CSMD1: variants seen among roughly 807,000 people sequenced by gnomAD.
CSMD1 encodes CUB and Sushi multiple domains 1, also known as CUB and sushi domain-containing protein 1.
Under a neutral mutation model 417.5 loss-of-function variants are expected in CSMD1, and 213 were observed. The observed-to-expected ratio is 0.51, with a 90% CI of 0.46 to 0.57. CSMD1 has a LOEUF of 0.57. Ranked by LOEUF, CSMD1 falls within the 20% of genes least tolerant of loss-of-function variation. The pLI is 0.00. For missense variants in CSMD1, 6,923 were observed against 4,529.7 expected, an observed-to-expected ratio of 1.53 and a Z score of -15.17; for synonymous variants, 2,862 against 1,736.8, an observed-to-expected ratio of 1.65 and a Z score of -16.11.
chr8:3,668,971 G>A (rs1031073703), intron 7 of CSMD1, among the ~76,000 whole-genome samples: 1 of 152,126 alleles, frequency 6.6e-6, no homozygotes, highest in African/African-American at 2.4e-5. Flanking sequence ...AAATCATTGA[G>A]CAACCAGGTT....
intron 1 of CSMD1, among the ~76,000 whole-genome samples, chr8:4,645,593 A>C (rs1803470608): frequency 6.6e-6 from 1 of 152,072 alleles, no homozygotes; most frequent in Non-Finnish European, 1.5e-5. Flanking sequence ...GTGCGGGATG[A>C]CGAGGCTGCC....
In CSMD1 at chr8:3,740,119, T is replaced by G. The variant is rs1344615865; in HGVS notation, c.931+13811A>C. Among the ~76,000 whole-genome samples, 3 of 152,242 alleles carry G rather than the reference T, an allele frequency of 2.0e-5. No homozygotes were observed. The East Asian group carries it at 5.8e-4, about 30-fold the overall frequency. ...TTACAAAATTTTATTTTATTTTTCTTTTTGAGATGGAGTTTCACTCTTGTC... is the reference window on the plus strand; with the variant it reads ...TTACAAAATTTTATTTTATTTTTCTGTTTGAGATGGAGTTTCACTCTTGTC... On this transcript the variant is annotated intron_variant, in intron 6 of 69. Coordinates refer to ENST00000635120, the MANE Select transcript of CSMD1 (RefSeq NM_033225.6).
chr8:4,994,595 T>C lies in CSMD1; in HGVS notation c.-179A>G, dbSNP rs1265195339. On this transcript the variant is annotated 5_prime_UTR_variant, in exon 1 of 70. An upstream start codon of the reference 5' UTR is lost. Transcript: ENST00000635120. ...GGGCGCCCGGCTCGCTTCCCTCTCA[T>C]AGCATCGGGTCCCGAGCCACTGCAG... 3.3e-6 allele frequency: 2 copies of C among 602,256 alleles called. No homozygotes were observed. Among genetic ancestry groups the C allele is most frequent in the Non-Finnish European group, 6.0e-6 (2 of 334,060 alleles). The allele number at this position is 602,256 out of a possible 1,614,324, so 37.3% of individuals were successfully genotyped here.
At chr8:3,704,754 A>T (rs1406300851) in intron 7 of CSMD1, 1 of 152,186 alleles carries the variant, frequency 6.6e-6, no homozygotes, top group Non-Finnish European at 1.5e-5. Flanking sequence ...GATCTGTTTA[A>T]TTATCAAACT....
At chr8:4,074,342 T>A (rs1799712180) in intron 3 of CSMD1, among the ~76,000 whole-genome samples, 3 of 152,106 alleles carry the variant, frequency 2.0e-5, no homozygotes. Context: ...GGCATCTGAA[T>A]GTAAAATGTA....
intron 16 of CSMD1, among the ~76,000 whole-genome samples, chr8:3,398,933 A>G (rs1029348423): frequency 1.3e-5 from 2 of 152,188 alleles, no homozygotes; most frequent in African/African-American, 4.8e-5. Context: ...TTGGTGATTG[A>G]TCTGCTGTCC....
intron 1 of CSMD1, among the ~76,000 whole-genome samples, chr8:4,864,995 G>C (rs986440829): frequency 2.0e-5 from 3 of 150,690 alleles, no homozygotes; most frequent in Admixed American, 6.6e-5. Flanking sequence ...TGAAAATTTA[G>C]TCTGATTTTT....
At chr8:4,039,770 C>A (rs1203613101) in intron 3 of CSMD1, among the ~76,000 whole-genome samples, 1 of 152,142 alleles carries the variant, frequency 6.6e-6, no homozygotes, top group African/African-American at 2.4e-5. Context: ...GTCGTTGTGG[C>A]AAGCATTTAT....
At chr8:4,323,525 G>C (rs1162860465) in intron 3 of CSMD1, among the ~76,000 whole-genome samples, 1 of 152,178 alleles carries the variant, frequency 6.6e-6, no homozygotes, top group East Asian at 1.9e-4. Flanking sequence ...CCTGGCATAA[G>C]GATCCTGACC....
intron 7 of CSMD1, among the ~76,000 whole-genome samples, chr8:3,620,136 T>C (rs1258804764): frequency 5.3e-5 from 8 of 152,006 alleles, no homozygotes; most frequent in Non-Finnish European, 1.0e-4. Flanking sequence ...AGAAAAGCAA[T>C]GGATAATATA....
At chr8:4,744,627 A>C (rs1810831886) in intron 1 of CSMD1, among the ~76,000 whole-genome samples, 2 of 152,198 alleles carry the variant, frequency 1.3e-5, no homozygotes, top group Non-Finnish European at 2.9e-5. Flanking sequence ...TCATAGGAGC[A>C]ACTCTAACAA....
Position 3,493,495 on chromosome 8 carries a change from C to T in CSMD1, c.1448+128G>A, listed in dbSNP as rs7846697. 9.2e-6 allele frequency: 6 copies of T among 654,164 alleles called. No individual in the cohort carries two copies. In the East Asian group the frequency reaches 1.7e-4, roughly 18 times the overall value. 40.5% of individuals were successfully genotyped at this position (654,164 alleles called of 1,614,324 possible). On this transcript the variant is annotated intron_variant, in intron 11 of 69. Coordinates refer to ENST00000635120, the MANE Select transcript of CSMD1 (RefSeq NM_033225.6). ...TACAAAATGAGATTGCAGGCCACTA[C>T]ATTAGCCATAGATGGCACTAAGCAA...
intron 5 of CSMD1, among the ~76,000 whole-genome samples, chr8:3,953,147 T>A (rs1811701674): frequency 6.6e-6 from 1 of 151,838 alleles, no homozygotes. Flanking sequence ...AAAATACCAT[T>A]TATAAAAAAA....
intron 3 of CSMD1, among the ~76,000 whole-genome samples, chr8:4,352,424 T>G (rs949584488): frequency 3.9e-5 from 6 of 152,236 alleles, no homozygotes; most frequent in African/African-American, 1.2e-4. Flanking sequence ...TATAAATATT[T>G]CCTTTTCAAC....
At chr8:4,252,161 T>C (rs1803125314) in intron 3 of CSMD1, among the ~76,000 whole-genome samples, 1 of 152,134 alleles carries the variant, frequency 6.6e-6, no homozygotes, top group Non-Finnish European at 1.5e-5. Flanking sequence ...TTTCAGGATA[T>C]ATAGAAAGCT....
chr8:4,238,509 C>T (rs1027937481), intron 3 of CSMD1, among the ~76,000 whole-genome samples: 2 of 152,174 alleles, frequency 1.3e-5, no homozygotes, highest in Non-Finnish European at 2.9e-5. Flanking sequence ...TGACTAGAGG[C>T]ACAGGCCCCA....
chr8:3,902,932 T>C (rs964457520), intron 5 of CSMD1, among the ~76,000 whole-genome samples: 2 of 152,172 alleles, frequency 1.3e-5, no homozygotes, highest in Non-Finnish European at 1.5e-5. Flanking sequence ...TTCTCCAGTT[T>C]CCAGCTCTAC....
chr8:3,771,018 C>CTGTGTGTG, intron 5 of CSMD1, among the ~76,000 whole-genome samples: 1 of 151,178 alleles, frequency 6.6e-6, no homozygotes, highest in African/African-American at 2.4e-5. Flanking sequence ...GTCAGTGTGT[C>CTGTGTGTG]TGTGTGTGTG....
At chr8:4,560,813 G>A (rs780547652) in intron 2 of CSMD1, among the ~76,000 whole-genome samples, 2 of 152,188 alleles carry the variant, frequency 1.3e-5, no homozygotes, top group South Asian at 2.1e-4. Context: ...GATTCTGCCT[G>A]TTCCTCTTCT....
Sources: allele counts gnomAD v4.1 joint callset (sites outside exome capture counted in the v4.1 genomes callset), GRCh38; gene constraint gnomAD v4.1.1; transcripts MANE v1.5; gene names NCBI Gene and HGNC (gene_info 2026-07-23, HGNC 2026-07-21).